Variants in RHOBTB2 observed in about 807,000 individuals in gnomAD.
RHOBTB2 encodes Rho related BTB domain containing 2.
RHOBTB2 carries 39 observed loss-of-function variants against 66.5 expected under a neutral mutation model. The observed-to-expected ratio is 0.59, with a 90% CI of 0.45 to 0.77. RHOBTB2 has a LOEUF of 0.77. RHOBTB2 is among the 30% of genes least tolerant of loss of function. The pLI, the probability that RHOBTB2 is intolerant of heterozygous loss-of-function variation, is 0.00. For synonymous variants in RHOBTB2, 390 were observed against 395.0 expected, an observed-to-expected ratio of 0.99 and a Z score of 0.15; for missense variants, 755 against 999.1, an observed-to-expected ratio of 0.76 and a Z score of 3.29.
chr8:22,968,557 A>AT, the RHOBTB2 span, among the ~76,000 whole-genome samples: 1 of 152,144 alleles, frequency 6.6e-6, no homozygotes, highest in Admixed American at 6.5e-5. Context: ...TATTCAAGAC[A>AT]TTTTTTGAAA....
chr8:22,992,720 G>A (rs371716940), intron 2 of RHOBTB2, among the ~76,000 whole-genome samples: 15 of 152,208 alleles, frequency 9.9e-5, no homozygotes, highest in Non-Finnish European at 1.6e-4. Context: ...AGTGTTTCAC[G>A]TCATTAAGGG....
At chr8:22,994,249 T>G (rs1166752954) in intron 2 of RHOBTB2, among the ~76,000 whole-genome samples, 1 of 152,198 alleles carries the variant, frequency 6.6e-6, no homozygotes, top group South Asian at 2.1e-4. Flanking sequence ...AGGCCTCCGA[T>G]GCATGACTGA....
At chr8:23,013,792 G>A (rs1332863814) in intron 7 of RHOBTB2, among the ~76,000 whole-genome samples, 1 of 152,200 alleles carries the variant, frequency 6.6e-6, no homozygotes, top group South Asian at 2.1e-4. Flanking sequence ...CACCGTGCCC[G>A]GCCAGTTGTT....
chr8:22,962,179 CAAAAAAAAAAAAAAAAAAAAAA>C, the RHOBTB2 span, among the ~76,000 whole-genome samples: 5 of 13,834 alleles, frequency 3.6e-4, 1 homozygote, highest in South Asian at 8.8e-3. Flanking sequence ...AACGAATTTA[CAAAAAAAAAAAAAAAAAAAAAA>C]AAAAAAAAAA....
intron 1 of RHOBTB2, among the ~76,000 whole-genome samples, chr8:23,000,726 C>T (rs1427504336): frequency 6.6e-6 from 1 of 152,168 alleles, no homozygotes; most frequent in Non-Finnish European, 1.5e-5. Context: ...GGGAGCCTCC[C>T]CGAATTAGGA....
At position 23,007,349 on chromosome 8, in the gene RHOBTB2, C is replaced by T. The variant is rs747030867; in HGVS notation, c.1104C>T (p.Asp368=). Reference sequence around the variant, plus strand: ...CTGGCCTCCGTGCTTCCACCAGCGACGGGATCTTACGGGGCAACGGAACAG... The same window carrying T: ...CTGGCCTCCGTGCTTCCACCAGCGATGGGATCTTACGGGGCAACGGAACAG... The part of the protein sequence containing the change: ...GPAGLRASTS[D]GILRGNGTGY... The change falls in exon 5 of 10, where the codon GAC becomes GAT. Residue 368 remains aspartate (D), a synonymous_variant. Transcript: ENST00000251822. 1.5e-5 allele frequency: 24 copies of T among 1,613,478 alleles called. No homozygotes were observed. Among genetic ancestry groups the T allele is most frequent in the African/African-American group, 4.0e-5 (3 of 74,920 alleles).
chr8:23,008,131 G>A lies in RHOBTB2; in HGVS notation c.1620+20G>A, dbSNP rs1476842400. ...CGGGAGGTAAGGCTGAGGACACAAA[G>A]GGGGGAAGGAGGGAGTGAGACATTT... On this transcript the variant is annotated intron_variant, in intron 6 of 9. Transcript: ENST00000251822. The A allele has an allele frequency of 1.3e-6, 2 of 1,537,976 alleles. No individual in the cohort carries two copies. Among genetic ancestry groups the A allele is most frequent in the East Asian group, 2.2e-5 (1 of 44,494 alleles).
In RHOBTB2 at chr8:23,010,615, C is replaced by A. The variant is rs1184432738; in HGVS notation, c.1698C>A (p.Ser566Arg). The stretch of plus-strand genomic sequence containing the variant: ...TCTACACCGGCATGTTCACCTCCAG[C>A]CCCGACCTGGATGACATGAAGCTCA... ...EYLYTGMFTS[S>R]PDLDDMKLII... The change falls in exon 7 of 10, where the codon AGC becomes AGA. Residue 566 changes from serine (S) to arginine (R), a missense_variant. By Grantham distance (110) the Ser-to-Arg change is moderately radical. Around this residue, in one of 7 missense-constraint regions of RHOBTB2, gnomAD observed 353 missense variants for 458.2 expected, o/e 0.77. Coordinates refer to ENST00000251822, the MANE Select transcript of RHOBTB2 (RefSeq NM_015178.3). 1.2e-6 allele frequency: 2 copies of A among 1,614,086 alleles called. No individual in the cohort carries two copies. Among genetic ancestry groups the A allele is most frequent in the East Asian group, 2.2e-5 (1 of 44,894 alleles).
rs561952299 is a variant in RHOBTB2, at chr8:23,019,013, G to A, written c.*1544G>A. 2 of 152,230 alleles carry A rather than the reference G, an allele frequency of 1.3e-5. No individual in the cohort carries two copies. Among genetic ancestry groups the A allele is most frequent in the African/African-American group, 4.8e-5 (2 of 41,400 alleles). The allele number at this position is 152,230 out of a possible 1,614,324, so 9.4% of individuals were successfully genotyped here. On this transcript the variant is annotated 3_prime_UTR_variant, in exon 10 of 10. Coordinates refer to ENST00000251822, the MANE Select transcript of RHOBTB2 (RefSeq NM_015178.3). Reference sequence around the variant, plus strand: ...TTGCCCCTTTCCGTTTTCTAACCCCGACTCAGATTTCACCACCCACACTCT... The same window carrying A: ...TTGCCCCTTTCCGTTTTCTAACCCCAACTCAGATTTCACCACCCACACTCT...
At position 23,006,059 on chromosome 8, in the gene RHOBTB2, A is replaced by T. The variant is rs148179064; in HGVS notation, c.396A>T (p.Arg132=). ...WYPEIKHFCP[R]APVILVGCQL... Reference sequence around the variant, plus strand: ...CAGAAATCAAGCACTTCTGCCCCCGAGCACCTGTCATCTTGGTGGGCTGCC... The same window carrying T: ...CAGAAATCAAGCACTTCTGCCCCCGTGCACCTGTCATCTTGGTGGGCTGCC... Residue 132 remains arginine, a synonymous_variant, in exon 4 of 10, where the codon CGA becomes CGT. Coordinates refer to ENST00000251822, the MANE Select transcript of RHOBTB2 (RefSeq NM_015178.3). The surrounding 1 kb of genome is among the most constrained non-coding windows in gnomAD (Gnocchi z 6.1). The T allele has an allele frequency of 4.4e-4, 704 of 1,613,622 alleles. No individual in the cohort carries two copies. Among genetic ancestry groups the T allele is most frequent in the Non-Finnish European group, 5.6e-4 (656 of 1,179,848 alleles).
the RHOBTB2 span, among the ~76,000 whole-genome samples, chr8:22,970,056 C>T: frequency 5.9e-5 from 9 of 152,166 alleles, no homozygotes; most frequent in African/African-American, 2.2e-4. Context: ...AATGCACCAC[C>T]ATAATTTAGA....
chr8:22,970,463 G>A, the RHOBTB2 span, among the ~76,000 whole-genome samples: 2,523 of 152,170 alleles, frequency 0.017, 35 homozygotes, highest in Middle Eastern at 0.041. Flanking sequence ...TGTAAGCTGG[G>A]CATTGTGCAT....
At chr8:23,012,216 G>A (rs943484551) in intron 7 of RHOBTB2, among the ~76,000 whole-genome samples, 1 of 152,150 alleles carries the variant, frequency 6.6e-6, no homozygotes, top group Non-Finnish European at 1.5e-5. Context: ...ACCCAAAGGG[G>A]AAAAATGCAT....
At chr8:22,976,990 T>G in the RHOBTB2 span, among the ~76,000 whole-genome samples, 5 of 152,030 alleles carry the variant, frequency 3.3e-5, no homozygotes, top group Non-Finnish European at 2.9e-5. Context: ...TACAGTGGCT[T>G]ATGCCTGCCA....
chr8:22,957,028 T>C, the RHOBTB2 span, among the ~76,000 whole-genome samples: 2 of 152,354 alleles, frequency 1.3e-5, no homozygotes, highest in African/African-American at 4.8e-5. Context: ...CACACTGTAG[T>C]CAATGTTACA....
chr8:22,992,473 G>C (rs992901336), intron 2 of RHOBTB2, among the ~76,000 whole-genome samples: 1 of 152,176 alleles, frequency 6.6e-6, no homozygotes, highest in Admixed American at 6.5e-5. Context: ...GAGGTCTGCA[G>C]CTTGGTCAAG....
rs763201281 is a variant in RHOBTB2, at chr8:23,007,034, G to T, written c.789G>T (p.Pro263=). 1 of 1,608,844 alleles carries T rather than the reference G, an allele frequency of 6.2e-7. No individual in the cohort carries two copies. ...GCCCCGCCCACCTCCTGGAGGACCC[G>T]CTCTGCGCGGACGTCATCCTGGTGC... ...EECPAHLLED[P]LCADVILVLQ... Residue 263 remains proline, a synonymous_variant, in exon 5 of 10, where the codon CCG becomes CCT. Transcript: ENST00000251822.
the RHOBTB2 span, among the ~76,000 whole-genome samples, chr8:22,969,652 C>T: frequency 6.6e-6 from 1 of 151,976 alleles, no homozygotes; most frequent in African/African-American, 2.4e-5. Flanking sequence ...TGAAATTTAC[C>T]TTAAGGAAAT....
At chr8:22,975,929 T>C in the RHOBTB2 span, among the ~76,000 whole-genome samples, 1 of 151,954 alleles carries the variant, frequency 6.6e-6, no homozygotes, top group African/African-American at 2.4e-5. Flanking sequence ...GGGCGGATCA[T>C]GAGGTCAGGA....
Sources: allele counts gnomAD v4.1 joint callset (sites outside exome capture counted in the v4.1 genomes callset), GRCh38; gene constraint gnomAD v4.1.1; regional missense constraint gnomAD v4.1.1; non-coding constraint Gnocchi (gnomAD v3.1); transcripts MANE v1.5; gene names NCBI Gene and HGNC (gene_info 2026-07-23, HGNC 2026-07-21).